C1orf167: variants seen among roughly 807,000 people sequenced by gnomAD.
C1orf167 encodes uncharacterized protein C1orf167.
A neutral mutation model predicts 176.5 loss-of-function variants in C1orf167; 153 were observed. That is an observed-to-expected ratio of 0.87 (90% CI 0.76 to 0.99). The LOEUF (loss-of-function observed/expected upper bound fraction) is 0.99, where lower values mean the gene tolerates loss of function less well. Among genes scored for constraint, C1orf167 ranks in the 50% least tolerant of loss-of-function variants. The probability of loss-of-function intolerance (pLI) is 0.00; values close to 1 mark genes in which losing one functional copy is unlikely to be tolerated. For missense variants in C1orf167, 1,490 were observed against 1,817.7 expected (o/e 0.82, Z 3.28); for synonymous variants, 594 against 752.7 (o/e 0.79, Z 3.45).
At chr1:11,777,645 CAA>C (rs56270825) in intron 10 of C1orf167, 56 of 147,248 alleles carry the variant, frequency 3.8e-4, no homozygotes, top group African/African-American at 3.8e-4. Flanking sequence ...GAATCCATCT[CAA>C]AAAAAAAAAA....
At position 11,788,830 on chromosome 1, in the gene C1orf167, T is replaced by G. The variant is rs1002707021; in HGVS notation, c.4173+84T>G. On this transcript the variant is annotated intron_variant, in intron 20 of 20. Transcript: ENST00000688073. ...AAGTCTGTGCCACAGCCACGCACCG[T>G]GGAGCTTTCCCTGCTTGCCAGCCCC... is the stretch of plus-strand genomic sequence containing the variant. 4 of 1,201,178 alleles carry G rather than the reference T, an allele frequency of 3.3e-6. No homozygotes were observed. The Admixed American group carries it at 7.0e-5, about 21-fold the overall frequency. 74.4% of individuals were successfully genotyped at this position (1,201,178 alleles called of 1,614,324 possible).
chr1:11,767,201 A>G lies in C1orf167; in HGVS notation c.1300-20A>G, dbSNP rs1642842620. 1.6e-6 allele frequency: 2 copies of G among 1,289,272 alleles called. No homozygotes were observed. The highest frequency in any genetic ancestry group is 2.0e-6 in the Non-Finnish European group (2 of 988,730). The allele number at this position is 1,289,272 out of a possible 1,614,324, so 79.9% of individuals were successfully genotyped here. On this transcript the variant is annotated intron_variant, in intron 3 of 20. Transcript: ENST00000688073. ...TGCTGCTTGGCCTGAGAACTGTGTT[A>G]TGTACTCTTGCTTTCCCAGAACAAG... is the stretch of plus-strand genomic sequence containing the variant.
At chr1:11,767,359 C>T in intron 4 of C1orf167, 95 bp downstream of exon 4, 1 of 1,081,496 alleles carries the variant, frequency 9.2e-7, no homozygotes, top group East Asian at 6.0e-5. Context: ...AGATGAGGGC[C>T]TGATGGAGAG....
At chr1:11,771,020 CGT>C (rs1406584534) in intron 6 of C1orf167, among the ~76,000 whole-genome samples, 1 of 90,576 alleles carries the variant, frequency 1.1e-5, no homozygotes, top group African/African-American at 4.2e-5. Flanking sequence ...CCTCTGGCAG[CGT>C]GTGTGTGTAT....
In C1orf167 at chr1:11,779,120, T is replaced by TA. The variant is rs1287787647; in HGVS notation, c.2651+41dup. On this transcript the variant is annotated intron_variant, in intron 12 of 20. Transcript: ENST00000688073. ...CCATCCGCCCGCCACTCTATGGACT[T>TA]ACTGTTTCCCGGCCCCTTCTCCCTT... 4.9e-6 allele frequency: 6 copies of TA among 1,212,234 alleles called. No individual in the cohort carries two copies. The South Asian group carries it at 9.1e-5, about 18-fold the overall frequency. 75.1% of individuals were successfully genotyped at this position (1,212,234 alleles called of 1,614,324 possible).
At chr1:11,769,901 C>T (rs924952399) in intron 6 of C1orf167, among the ~76,000 whole-genome samples, 3 of 152,108 alleles carry the variant, frequency 2.0e-5, no homozygotes, top group Non-Finnish European at 4.4e-5. Flanking sequence ...AGTGATCCAC[C>T]TGCCTCGGCC....
At chr1:11,782,096 C>A in intron 13 of C1orf167, 93 bp from the exon 14 acceptor site, 5 of 1,131,452 alleles carry the variant, frequency 4.4e-6, no homozygotes, top group Non-Finnish European at 5.6e-6. Context: ...TCTGTTCCCA[C>A]CTGGTAGGGG....
At chr1:11,763,209 G>A (rs1195717004) in intron 1 of C1orf167, among the ~76,000 whole-genome samples, 2 of 152,220 alleles carry the variant, frequency 1.3e-5, no homozygotes, top group East Asian at 3.9e-4. Context: ...GGAGGCCGAG[G>A]CGGGCCAATC....
intron 1 of C1orf167, among the ~76,000 whole-genome samples, chr1:11,763,034 G>T (rs1642590393): frequency 6.6e-6 from 1 of 152,202 alleles, no homozygotes; most frequent in South Asian, 2.1e-4. Flanking sequence ...GAGGCGCTGA[G>T]GTGAGGTCGT....
chr1:11,784,193 G>A lies in C1orf167; in HGVS notation c.3025G>A (p.Glu1009Lys), dbSNP rs1643729712. Residue 1009 changes from glutamate (E) to lysine (K), a missense_variant, in exon 15 of 21, where the codon GAG (glutamate) becomes AAG (lysine). Transcript: ENST00000688073. ...LLQSYFQAWCEVVRDTGVLRA... is the reference protein window; with the variant it reads ...LLQSYFQAWCKVVRDTGVLRA... ...TTGCAGCTACTTCCAGGCCTGGTGT[G>A]AGGTTGTAAGAGACACGGGGGTGCT... 7 of 1,242,572 alleles carry A rather than the reference G, an allele frequency of 5.6e-6. No homozygotes were observed. Among genetic ancestry groups the A allele is most frequent in the Non-Finnish European group, 7.3e-6 (7 of 957,126 alleles). The allele number at this position is 1,242,572 out of a possible 1,614,324, so 77.0% of individuals were successfully genotyped here. A position where few individuals can be genotyped will look rare whatever the true frequency, so the allele number is the denominator to read the frequency against.
At chr1:11,782,106 G>A (rs995554842) in intron 13 of C1orf167, 83 bp from the exon 14 acceptor site, 42 of 1,151,794 alleles carry the variant, frequency 3.6e-5, no homozygotes, top group South Asian at 1.7e-5. Context: ...CCTGGTAGGG[G>A]GCGAAGGGCT....
intron 7 of C1orf167, 135 bp downstream of exon 7, chr1:11,771,771 A>C (rs1440263040): frequency 1.8e-6 from 1 of 549,770 alleles, no homozygotes; most frequent in Non-Finnish European, 2.9e-6. Context: ...ATTCCCAGAG[A>C]CAATCTCATT....
chr1:11,771,645 T>G lies in C1orf167; in HGVS notation c.1810+9T>G. ...GGCCCTGCAACTGGCTGGTGAGACG[T>G]GGGGTGCTGGGAAAGCGGGGAGATG... is the stretch of plus-strand genomic sequence containing the variant. On this transcript the variant is annotated intron_variant, in intron 7 of 20. Transcript: ENST00000688073. The G allele has an allele frequency of 1.6e-6, 2 of 1,288,352 alleles. No homozygotes were observed. The highest frequency in any genetic ancestry group is 2.5e-5 in the South Asian group (2 of 80,974). 79.8% of individuals were successfully genotyped at this position (1,288,352 alleles called of 1,614,324 possible). A position where few individuals can be genotyped will look rare whatever the true frequency, so the allele number is the denominator to read the frequency against.
chr1:11,769,033 T>TC lies in C1orf167; in HGVS notation c.1607dup (p.Pro537AlafsTer48). 1 of 985,706 alleles carries TC rather than the reference T, an allele frequency of 1.0e-6. No homozygotes were observed. 61.1% of individuals were successfully genotyped at this position (985,706 alleles called of 1,614,324 possible). A position where few individuals can be genotyped will look rare whatever the true frequency, so the allele number is the denominator to read the frequency against. On this transcript the variant is annotated frameshift_variant, in exon 6 of 21. Coordinates refer to ENST00000688073, the MANE Select transcript of C1orf167 (RefSeq NM_001010881.2). LOFTEE classifies it high-confidence loss of function. Reference sequence around the variant, plus strand: ...GCCCCACATGCAGGCTGGGCCAGGGTCCCCGCCCTCCAGGAGAGCCCAGGG... The same window carrying TC: ...GCCCCACATGCAGGCTGGGCCAGGGTCCCCCGCCCTCCAGGAGAGCCCAGGG...
intron 2 of C1orf167, among the ~76,000 whole-genome samples, 196 bp downstream of exon 2, chr1:11,764,666 G>C (rs1047457338): frequency 6.6e-6 from 1 of 152,244 alleles, no homozygotes; most frequent in African/African-American, 2.4e-5. Flanking sequence ...GGGAGAGTGA[G>C]GTCAGGAAGA....
chr1:11,766,268 G>C lies in C1orf167; in HGVS notation c.482G>C (p.Arg161Pro), dbSNP rs778754381. 1.9e-4 allele frequency: 242 copies of C among 1,289,032 alleles called. No individual in the cohort carries two copies. Among genetic ancestry groups the C allele is most frequent in the Admixed American group, 3.4e-4 (15 of 43,516 alleles). 79.8% of individuals were successfully genotyped at this position (1,289,032 alleles called of 1,614,324 possible). ...CTCCTATCCCAAGAGCCACTGGCTC[G>C]CCCATCTTCCTGCCTGAGGCAGTCC... ...GPLLSQEPLA[R>P]PSSCLRQSGL... The change falls in exon 3 of 21, where the codon CGC (arginine) becomes CCC (proline). Residue 161 changes from arginine to proline, a missense_variant. By Grantham distance (103) the Arg-to-Pro change is moderately radical. Coordinates refer to ENST00000688073, the MANE Select transcript of C1orf167 (RefSeq NM_001010881.2). The surrounding 1 kb of genome is among the most constrained non-coding windows in gnomAD (Gnocchi z 4.5).
At position 11,779,081 on chromosome 1, in the gene C1orf167, G is replaced by A. The variant is rs1043926076; in HGVS notation, c.2651+1G>A. On this transcript the variant is annotated splice_donor_variant, in intron 12 of 20. Transcript: ENST00000688073. LOFTEE classifies it high-confidence loss of function. Reference sequence around the variant, plus strand: ...GGTACCAGCATACCCGCCAGAGGCGGTAGGGATCCCTCCCCATCCGCCCGC... The same window carrying A: ...GGTACCAGCATACCCGCCAGAGGCGATAGGGATCCCTCCCCATCCGCCCGC... 7.3e-6 allele frequency: 9 copies of A among 1,238,318 alleles called. No individual in the cohort carries two copies. The highest frequency in any genetic ancestry group is 8.3e-6 in the Non-Finnish European group (8 of 959,420). 76.7% of individuals were successfully genotyped at this position (1,238,318 alleles called of 1,614,324 possible).
At chr1:11,774,882 GC>G (rs1460587008) in intron 8 of C1orf167, among the ~76,000 whole-genome samples, 1 of 152,202 alleles carries the variant, frequency 6.6e-6, no homozygotes, top group Non-Finnish European at 1.5e-5. Flanking sequence ...ATGCAGGGAG[GC>G]CAGGTCAGAG....
intron 6 of C1orf167, 63 bp from the exon 7 acceptor site, chr1:11,771,461 G>T (rs1643073740): frequency 9.1e-7 from 1 of 1,096,552 alleles, no homozygotes; most frequent in Admixed American, 2.3e-5. Flanking sequence ...GGGGCGGACA[G>T]GTTGGGACCG....
Sources: allele counts gnomAD v4.1 joint callset (sites outside exome capture counted in the v4.1 genomes callset), GRCh38; gene constraint gnomAD v4.1.1; non-coding constraint Gnocchi (gnomAD v3.1); transcripts MANE v1.5; gene names NCBI Gene and HGNC (gene_info 2026-07-23, HGNC 2026-07-21).